The following RIPOR2 variants were observed in gnomAD, a reference collection of about 807,000 sequenced individuals.
RIPOR2 encodes RHO family interacting cell polarization regulator 2.
Under a neutral mutation model 114.5 loss-of-function variants are expected in RIPOR2, and 39 were observed. The observed-to-expected ratio is 0.34, with a 90% CI of 0.26 to 0.44. RIPOR2 has a LOEUF of 0.44. Among genes scored for constraint, RIPOR2 ranks in the 20% least tolerant of loss-of-function variants. The pLI is 1.00. For missense variants in RIPOR2, 1,007 were observed against 1,255.1 expected, an observed-to-expected ratio of 0.80 and a Z score of 2.99; for synonymous variants, 445 against 484.4, an observed-to-expected ratio of 0.92 and a Z score of 1.07.
chr6:25,004,737 T>TTTTTG (rs992292189), intron 1 of RIPOR2, among the ~76,000 whole-genome samples: 150 of 152,324 alleles, frequency 9.8e-4, no homozygotes, highest in African/African-American at 2.6e-3. Flanking sequence ...CCATGCCATT[T>TTTTTG]TTTTGTTTTG....
chr6:24,823,826 G>A (rs1289845596), intron 19 of RIPOR2, among the ~76,000 whole-genome samples: 3 of 152,034 alleles, frequency 2.0e-5, no homozygotes, highest in Non-Finnish European at 2.9e-5. Context: ...GCGCAATCTC[G>A]GCTCACTGCA....
intron 1 of RIPOR2, among the ~76,000 whole-genome samples, chr6:24,968,846 T>C (rs1443977798): frequency 6.6e-6 from 1 of 152,184 alleles, no homozygotes; most frequent in Non-Finnish European, 1.5e-5. Context: ...CAAAGAATTA[T>C]GCAGCCCAAA....
chr6:24,850,682 C>T lies in RIPOR2; in HGVS notation c.800G>A (p.Gly267Asp). The T allele has an allele frequency of 6.2e-7, 1 of 1,613,866 alleles. No individual in the cohort carries two copies. The highest frequency in any genetic ancestry group is 8.5e-7 in the Non-Finnish European group (1 of 1,179,872). Residue 267 changes from glycine to aspartate, a missense_variant, in exon 10 of 22, where the codon GGC becomes GAC. Physicochemically the swap from Gly to Asp is moderately conservative, Grantham distance 94. Transcript: ENST00000643898. Reference sequence around the variant, plus strand: ...CTGCTTGCCATTTACTTCTATTTTGCCTTTCAGTTTCCACCGCTGCCGGCC... The same window carrying T: ...CTGCTTGCCATTTACTTCTATTTTGTCTTTCAGTTTCCACCGCTGCCGGCC... ...KYGRQRWKLK[G>D]KIEVNGKQSW...
In RIPOR2 at chr6:24,891,206, A is replaced by G. The variant is rs144710209; in HGVS notation, c.62-15389T>C. 2.3e-3 allele frequency among the ~76,000 whole-genome samples: 354 copies of G among 152,312 alleles called. 2 individuals carry two copies. Among genetic ancestry groups the G allele is most frequent in the South Asian group, 0.021 (103 of 4,826 alleles). ...GTTGAGTGGCTTCCCAGAGGCCTGT[A>G]CACATGTCCTCTGCATGGTAATTTT... is the stretch of plus-strand genomic sequence containing the variant. On this transcript the variant is annotated intron_variant, in intron 1 of 21. Coordinates refer to ENST00000643898, the MANE Select transcript of RIPOR2 (RefSeq NM_001286445.3).
At chr6:25,026,136 G>A (rs147744659) in intron 1 of RIPOR2, among the ~76,000 whole-genome samples, 4 of 152,150 alleles carry the variant, frequency 2.6e-5, no homozygotes, top group African/African-American at 9.6e-5. Flanking sequence ...CTACTCACAG[G>A]TGGAAACTAG....
At chr6:24,873,604 G>A in intron 3 of RIPOR2, 40 bp downstream of exon 3, 1 of 1,579,502 alleles carries the variant, frequency 6.3e-7, no homozygotes, top group Non-Finnish European at 8.6e-7. Flanking sequence ...TGACCCCTTG[G>A]GTCTTTCCTT....
chr6:24,946,227 A>G (rs1772398958), intron 1 of RIPOR2, among the ~76,000 whole-genome samples: 1 of 151,828 alleles, frequency 6.6e-6, no homozygotes, highest in African/African-American at 2.4e-5. Flanking sequence ...GGATTACACC[A>G]CCATGCCCAG....
intron 1 of RIPOR2, among the ~76,000 whole-genome samples, chr6:24,886,217 C>T (rs1212016267): frequency 6.6e-6 from 1 of 152,220 alleles, no homozygotes; most frequent in African/African-American, 2.4e-5. Context: ...CTCCCCCACA[C>T]TGAGTAATTT....
chr6:24,877,502 G>T, intron 1 of RIPOR2: 1 of 209,868 alleles, frequency 4.8e-6, no homozygotes, highest in Non-Finnish European at 8.3e-6. Context: ...GAAGAAGTAC[G>T]TATGAGCAGT....
chr6:24,809,824 G>A lies in RIPOR2; in HGVS notation c.2953-17C>T. The A allele has an allele frequency of 1.3e-6, 2 of 1,486,690 alleles. No individual in the cohort carries two copies. Among genetic ancestry groups the A allele is most frequent in the Non-Finnish European group, 1.8e-6 (2 of 1,087,776 alleles). The allele number at this position is 1,486,690 out of a possible 1,614,324, so 92.1% of individuals were successfully genotyped here. A position where few individuals can be genotyped will look rare whatever the true frequency, so the allele number is the denominator to read the frequency against. On this transcript the variant is annotated splice_polypyrimidine_tract_variant and intron_variant, in intron 20 of 21. Coordinates refer to ENST00000643898, the MANE Select transcript of RIPOR2 (RefSeq NM_001286445.3). ...TTCAGTAGCCTATGGGGGAAAAATA[G>A]GTTAAATCGTGTTTTGACATTTAGG...
At chr6:24,892,351 G>C (rs1161975950) in intron 1 of RIPOR2, among the ~76,000 whole-genome samples, 1 of 152,066 alleles carries the variant, frequency 6.6e-6, no homozygotes, top group Non-Finnish European at 1.5e-5. Flanking sequence ...GCTCACTAAA[G>C]CCTGGAACTC....
intron 1 of RIPOR2, among the ~76,000 whole-genome samples, chr6:24,945,457 A>C (rs1772357336): frequency 6.6e-6 from 1 of 152,214 alleles, no homozygotes. Flanking sequence ...TCATAAGTAA[A>C]CATAAAAGAC....
At chr6:25,010,755 C>T (rs992219812) in intron 1 of RIPOR2, among the ~76,000 whole-genome samples, 1 of 152,096 alleles carries the variant, frequency 6.6e-6, no homozygotes, top group Non-Finnish European at 1.5e-5. Flanking sequence ...GTTTCTTAAG[C>T]CAACATTTTT....
At chr6:24,955,516 C>T (rs913904301) in intron 1 of RIPOR2, among the ~76,000 whole-genome samples, 2 of 138,032 alleles carry the variant, frequency 1.4e-5, no homozygotes, top group African/African-American at 5.1e-5. Flanking sequence ...TTCCTCCCCC[C>T]ACTATTTCAA....
chr6:24,910,829 G>A, intron 1 of RIPOR2: 2 of 985,448 alleles, frequency 2.0e-6, no homozygotes, highest in South Asian at 4.7e-5. Context: ...TAACGACGAC[G>A]GCTCCTTGTC....
intron 15 of RIPOR2, among the ~76,000 whole-genome samples, chr6:24,833,865 A>G (rs1760881790): frequency 6.6e-6 from 1 of 152,156 alleles, no homozygotes; most frequent in Non-Finnish European, 1.5e-5. Flanking sequence ...GACTGCTTGC[A>G]CTAAAAGCAT....
At chr6:25,026,377 T>C (rs1776624432) in intron 1 of RIPOR2, among the ~76,000 whole-genome samples, 1 of 152,182 alleles carries the variant, frequency 6.6e-6, no homozygotes, top group Admixed American at 6.5e-5. Context: ...ATAAGTCACA[T>C]AGAGATGGTT....
intron 1 of RIPOR2, among the ~76,000 whole-genome samples, chr6:25,018,869 T>A (rs1293754330): frequency 2.0e-5 from 3 of 152,194 alleles, no homozygotes; most frequent in Non-Finnish European, 4.4e-5. Flanking sequence ...CAATAACTTT[T>A]CATTGAGAGT....
At chr6:24,870,466 T>C (rs1465596005) in intron 5 of RIPOR2, among the ~76,000 whole-genome samples, 1 of 152,210 alleles carries the variant, frequency 6.6e-6, no homozygotes, top group Non-Finnish European at 1.5e-5. Context: ...GATTTTACTG[T>C]CTCTAAGAGG....
Sources: gnomAD v4.1 joint callset for allele counts (sites outside exome capture counted in the v4.1 genomes callset) on GRCh38, gnomAD v4.1.1 for gene constraint, MANE v1.5 for transcripts, NCBI Gene and HGNC (gene_info 2026-07-23, HGNC 2026-07-21) for gene names.